The following AHI1 variants were observed in gnomAD, a reference collection of about 807,000 sequenced individuals.
AHI1 encodes jouberin.
In AHI1, 123 loss-of-function variants were observed where a neutral mutation model predicts 149.3. The observed-to-expected ratio is 0.82, with a 90% CI of 0.71 to 0.96. The LOEUF is 0.96. Among genes scored for constraint, AHI1 ranks in the 40% least tolerant of loss-of-function variants. The pLI is 0.00. For missense variants in AHI1, 1,439 were observed against 1,422.7 expected, an observed-to-expected ratio of 1.01 and a Z score of -0.18; for synonymous variants, 475 against 459.8, an observed-to-expected ratio of 1.03 and a Z score of -0.42.
chr6:135,373,507 C>A (rs1775377396), intron 23 of AHI1, among the ~76,000 whole-genome samples: 1 of 152,168 alleles, frequency 6.6e-6, no homozygotes, highest in African/African-American at 2.4e-5. Context: ...CCTAATTTCC[C>A]AGATACTAAT....
At position 135,363,036 on chromosome 6, in the gene AHI1, TTTATTTTATTA is replaced by T. The variant is rs1373120059; in HGVS notation, c.3110-4860_3110-4850del. Among the ~76,000 whole-genome samples the T allele has an allele frequency of 2.4e-3, 355 of 149,892 alleles. 3 individuals are homozygous for T. Among genetic ancestry groups the T allele is most frequent in the African/African-American group, 8.1e-3 (332 of 41,124 alleles). On this transcript the variant is annotated intron_variant, in intron 23 of 28. Transcript: ENST00000265602. The stretch of plus-strand genomic sequence containing the variant: ...CATCCATCTTTTTTTTAAATTTTAT[TTTATTTTATTA>T]TTATTATTATTATTATTTTTATTGA...
chr6:135,457,399 ACT>A, intron 9 of AHI1, 93 bp downstream of exon 9: 1 of 863,952 alleles, frequency 1.2e-6, no homozygotes, highest in Non-Finnish European at 1.8e-6. Context: ...CAAATCCATA[ACT>A]CTATTCCCAC....
chr6:135,324,992 C>A (rs530870836), intron 24 of AHI1, among the ~76,000 whole-genome samples: 2 of 151,464 alleles, frequency 1.3e-5, no homozygotes, highest in Non-Finnish European at 2.9e-5. Context: ...TTACAACATG[C>A]GATGCAGGGT....
At position 135,457,660 on chromosome 6, in the gene AHI1, G is replaced by A. The variant is rs201391050; in HGVS notation, c.985C>T (p.Arg329Ter). The change falls in exon 9 of 29, where the codon CGA becomes TGA. Residue 329 changes from arginine (R) to a stop codon, truncating the protein, a stop_gained. Coordinates refer to ENST00000265602, the MANE Select transcript of AHI1 (RefSeq NM_001134831.2). LOFTEE classifies it high-confidence loss of function. ...DGDGVHEITS[R>*]DSPVYPKCLL... ...CATTTGGGATAAACCGGGCTATCTC[G>A]GCTTGTTATTTCATGAACACCATCA... is the stretch of plus-strand genomic sequence containing the variant. 24 of 1,613,728 alleles carry A rather than the reference G, an allele frequency of 1.5e-5. No homozygotes were observed. The highest frequency in any genetic ancestry group is 1.9e-5 in the Non-Finnish European group (22 of 1,179,826).
At chr6:135,329,427 C>T (rs1273039476) in intron 24 of AHI1, among the ~76,000 whole-genome samples, 1 of 152,150 alleles carries the variant, frequency 6.6e-6, no homozygotes, top group Non-Finnish European at 1.5e-5. Context: ...CTCTGTCTCT[C>T]CTCTATAAAT....
At chr6:135,304,904 G>A (rs1784363030) in intron 26 of AHI1, 1 of 152,224 alleles carries the variant, frequency 6.6e-6, no homozygotes. Context: ...CAAAATAGGT[G>A]AGAACATCTA....
chr6:135,376,881 C>CAAAAAAAAAAAA (rs1167083326), intron 23 of AHI1, among the ~76,000 whole-genome samples: 3 of 29,440 alleles, frequency 1.0e-4, no homozygotes, highest in Admixed American at 6.2e-4. Context: ...GACTCCATCT[C>CAAAAAAAAAAAA]AAAAAAAAAA....
At chr6:135,477,201 C>A (rs556118843) in intron 5 of AHI1, among the ~76,000 whole-genome samples, 1 of 151,888 alleles carries the variant, frequency 6.6e-6, no homozygotes, top group Non-Finnish European at 1.5e-5. Context: ...ACACCACGCC[C>A]GGCTAATTTT....
chr6:135,319,968 A>T (rs897204719), intron 25 of AHI1, among the ~76,000 whole-genome samples: 12 of 152,116 alleles, frequency 7.9e-5, no homozygotes, highest in African/African-American at 2.4e-4. Context: ...CTGCTTGTAT[A>T]CTTCCTTAGA....
intron 16 of AHI1, among the ~76,000 whole-genome samples, chr6:135,432,807 T>C (rs1784853851): frequency 6.6e-6 from 1 of 152,216 alleles, no homozygotes; most frequent in Non-Finnish European, 1.5e-5. Context: ...CTGGTTGTTA[T>C]AGCAAAGATT....
At chr6:135,382,752 T>C (rs1000631073) in intron 23 of AHI1, among the ~76,000 whole-genome samples, 28 of 151,562 alleles carry the variant, frequency 1.8e-4, no homozygotes, top group African/African-American at 5.1e-4. Flanking sequence ...AAAAAGTTAC[T>C]CTGAGACATA....
chr6:135,330,631 C>A (rs907227842), intron 24 of AHI1, among the ~76,000 whole-genome samples: 6 of 152,222 alleles, frequency 3.9e-5, no homozygotes, highest in Non-Finnish European at 8.8e-5. Context: ...CAAGGTATGA[C>A]TGTACAGAAT....
chr6:135,304,180 G>T, intron 26 of AHI1, among the ~76,000 whole-genome samples: 1 of 152,082 alleles, frequency 6.6e-6, no homozygotes, highest in East Asian at 1.9e-4. Context: ...TCAGTCTCTT[G>T]AGTAGCTGGG....
intron 11 of AHI1, among the ~76,000 whole-genome samples, chr6:135,452,880 CCT>C (rs555862754): frequency 1.0e-3 from 158 of 152,188 alleles, no homozygotes; most frequent in Non-Finnish European, 1.9e-3. Context: ...GAATGTTTTC[CCT>C]GACCCCACAG....
At chr6:135,320,527 G>GT (rs1365477254) in intron 25 of AHI1, among the ~76,000 whole-genome samples, 6 of 152,198 alleles carry the variant, frequency 3.9e-5, no homozygotes, top group Non-Finnish European at 5.9e-5. Flanking sequence ...TTGGCGTCAA[G>GT]TGATCCTCCC....
At chr6:135,342,947 GA>G (rs139629049) in intron 24 of AHI1, among the ~76,000 whole-genome samples, 23 of 141,776 alleles carry the variant, frequency 1.6e-4, no homozygotes, top group East Asian at 6.1e-4. Context: ...AATTAGGCAA[GA>G]AAAAAAAAAG....
intron 5 of AHI1, among the ~76,000 whole-genome samples, chr6:135,473,487 G>A (rs1174553481): frequency 1.3e-5 from 2 of 152,072 alleles, no homozygotes; most frequent in African/African-American, 4.8e-5. Context: ...ATTTCTGAGA[G>A]AGGATACTGA....
chr6:135,318,748 C>T (rs1439372184), intron 25 of AHI1, 132 bp from the exon 26 acceptor site: 4 of 531,030 alleles, frequency 7.5e-6, no homozygotes, highest in Admixed American at 7.3e-5. Flanking sequence ...CAATAAGATA[C>T]CTAAAACTTA....
intron 23 of AHI1, among the ~76,000 whole-genome samples, chr6:135,373,115 T>A (rs1210858965): frequency 1.3e-5 from 2 of 152,234 alleles, no homozygotes; most frequent in Non-Finnish European, 2.9e-5. Context: ...TTTGGTAATG[T>A]TCCTAAACTT....
Sources: allele counts gnomAD v4.1 joint callset (sites outside exome capture counted in the v4.1 genomes callset), GRCh38; gene constraint gnomAD v4.1.1; transcripts MANE v1.5; gene names NCBI Gene and HGNC (gene_info 2026-07-23, HGNC 2026-07-21).